The following PDK1 variants were observed in gnomAD, a reference collection of about 807,000 sequenced individuals.
PDK1 encodes [Pyruvate dehydrogenase (acetyl-transferring)] kinase isozyme 1, mitochondrial.
In PDK1, 39 loss-of-function variants were observed where a neutral mutation model predicts 54.2. That is an observed-to-expected ratio of 0.72 (90% confidence interval 0.56 to 0.94). The LOEUF is 0.94. PDK1 is among the 40% of genes least tolerant of loss of function. The pLI is 0.00. For synonymous variants in PDK1, 221 were observed against 207.1 expected (o/e 1.07, Z -0.58); for missense variants, 552 against 566.0 (o/e 0.98, Z 0.25).
intron 2 of PDK1, among the ~76,000 whole-genome samples, chr2:172,559,808 C>T (rs1688559199): frequency 6.6e-6 from 1 of 152,018 alleles, no homozygotes; most frequent in Non-Finnish European, 1.5e-5. Flanking sequence ...CTTGGCTTCC[C>T]AAAGTGCTGG....
chr2:172,723,174 C>G, the PDK1 span: 2 of 152,202 alleles, frequency 1.3e-5, no homozygotes, highest in South Asian at 4.2e-4. Flanking sequence ...GGTTAAAAAG[C>G]AGACAGACCC....
chr2:172,622,421 CATGTGAGATATGTTTATATCTCATATATT>C, the PDK1 span, among the ~76,000 whole-genome samples: 1 of 138,326 alleles, frequency 7.2e-6, no homozygotes, highest in Non-Finnish European at 1.5e-5. Context: ...ATGTTTATAT[CATGTGAGATATGTTTATATCTCATATATT>C]ATGTGAGATG....
chr2:172,649,600 G>A, the PDK1 span, among the ~76,000 whole-genome samples: 1 of 152,128 alleles, frequency 6.6e-6, no homozygotes, highest in Non-Finnish European at 1.5e-5. Flanking sequence ...AAAAAACTTA[G>A]ATGAATGGCT....
chr2:172,661,714 C>A, the PDK1 span, among the ~76,000 whole-genome samples: 1 of 152,090 alleles, frequency 6.6e-6, no homozygotes, highest in African/African-American at 2.4e-5. Context: ...AACAGAAAAC[C>A]AATACAGCAT....
the PDK1 span, among the ~76,000 whole-genome samples, chr2:172,668,516 C>T: frequency 6.6e-6 from 1 of 151,474 alleles, no homozygotes; most frequent in Admixed American, 6.6e-5. Flanking sequence ...TGCTGCTTAG[C>T]TATGGATAGG....
At chr2:172,698,753 T>G in the PDK1 span, among the ~76,000 whole-genome samples, 1 of 152,200 alleles carries the variant, frequency 6.6e-6, no homozygotes, top group Non-Finnish European at 1.5e-5. Flanking sequence ...TCCTCAACCT[T>G]GACTACACAT....
At chr2:172,688,798 C>G in the PDK1 span, among the ~76,000 whole-genome samples, 1 of 152,066 alleles carries the variant, frequency 6.6e-6, no homozygotes, top group Non-Finnish European at 1.5e-5. Context: ...AGTGTGAACA[C>G]TGTTGAATCC....
chr2:172,671,550 T>C, the PDK1 span, among the ~76,000 whole-genome samples: 1 of 151,850 alleles, frequency 6.6e-6, no homozygotes, highest in African/African-American at 2.4e-5. Flanking sequence ...TTTTTTTTTT[T>C]TTGGTTGTTG....
At chr2:172,614,451 C>T in the PDK1 span, among the ~76,000 whole-genome samples, 5 of 152,196 alleles carry the variant, frequency 3.3e-5, no homozygotes, top group African/African-American at 4.8e-5. Flanking sequence ...CAGAGGATGA[C>T]GGGATGACCA....
the PDK1 span, among the ~76,000 whole-genome samples, chr2:172,642,787 ACTC>A: frequency 0.13 from 19,165 of 144,078 alleles, 1,409 homozygotes; most frequent in South Asian, 0.24. Flanking sequence ...TCCTCCTCCC[ACTC>A]CTCCTCCTCC....
chr2:172,621,031 G>A, the PDK1 span, among the ~76,000 whole-genome samples: 1 of 152,302 alleles, frequency 6.6e-6, no homozygotes, highest in Admixed American at 6.5e-5. Flanking sequence ...TGTTATCCCA[G>A]CACTTTGGGA....
chr2:172,574,855 GTC>G (rs1689491314), intron 8 of PDK1, among the ~76,000 whole-genome samples: 1 of 152,114 alleles, frequency 6.6e-6, no homozygotes, highest in East Asian at 1.9e-4. Context: ...AAATGATCAT[GTC>G]TCTGCAAAAA....
the PDK1 span, among the ~76,000 whole-genome samples, chr2:172,717,055 TC>T: frequency 3.9e-5 from 6 of 152,224 alleles, no homozygotes; most frequent in Non-Finnish European, 8.8e-5. Flanking sequence ...GATCTGCACT[TC>T]CTGTTATTCA....
chr2:172,609,277 T>G (rs1691390607), downstream of PDK1, among the ~76,000 whole-genome samples: 1 of 152,182 alleles, frequency 6.6e-6, no homozygotes, highest in Non-Finnish European at 1.5e-5. Context: ...CTGGTTTGTC[T>G]TAGAAAGGGG....
At chr2:172,633,685 CTTCTT>C in the PDK1 span, among the ~76,000 whole-genome samples, 1 of 150,552 alleles carries the variant, frequency 6.6e-6, no homozygotes, top group African/African-American at 2.4e-5. Flanking sequence ...ATTCAATTCT[CTTCTT>C]TTTAATAAAA....
the PDK1 span, among the ~76,000 whole-genome samples, chr2:172,695,512 A>G: frequency 5.0e-4 from 76 of 152,334 alleles, 1 homozygote; most frequent in Middle Eastern, 6.8e-3. Context: ...ACTCTCCCAC[A>G]TATCCTGCTT....
At chr2:172,559,583 T>C (rs1156305342) in intron 2 of PDK1, among the ~76,000 whole-genome samples, 1 of 152,222 alleles carries the variant, frequency 6.6e-6, no homozygotes, top group Non-Finnish European at 1.5e-5. Flanking sequence ...AATCTTGCTC[T>C]GTTGCCCAGG....
intron 8 of PDK1, among the ~76,000 whole-genome samples, chr2:172,572,234 G>A (rs1321223548): frequency 6.6e-6 from 1 of 152,056 alleles, no homozygotes; most frequent in Non-Finnish European, 1.5e-5. Flanking sequence ...CCTAGCCCAA[G>A]GGCCAGTTTC....
chr2:172,648,342 A>G, the PDK1 span, among the ~76,000 whole-genome samples: 2 of 152,370 alleles, frequency 1.3e-5, no homozygotes, highest in African/African-American at 4.8e-5. Context: ...AGTTTATCTC[A>G]AAACAGAAAA....
Sources: allele counts gnomAD v4.1 joint callset (sites outside exome capture counted in the v4.1 genomes callset), GRCh38; gene constraint gnomAD v4.1.1; transcripts MANE v1.5; gene names NCBI Gene and HGNC (gene_info 2026-07-23, HGNC 2026-07-21).